Variants in FOXJ3 observed in about 807,000 individuals in gnomAD.
FOXJ3 encodes the protein forkhead box protein J3.
A neutral mutation model predicts 76.1 loss-of-function variants in FOXJ3; 22 were observed. The observed-to-expected ratio is 0.29, with a 90% CI of 0.21 to 0.41. The LOEUF (loss-of-function observed/expected upper bound fraction) is 0.41, where lower values mean the gene tolerates loss of function less well. FOXJ3 is among the 10% of genes least tolerant of loss of function. The probability of loss-of-function intolerance (pLI) is 1.00; values close to 1 mark genes in which losing one functional copy is unlikely to be tolerated. For synonymous variants in FOXJ3, 269 were observed against 261.2 expected, an observed-to-expected ratio of 1.03 and a Z score of -0.29; for missense variants, 613 against 762.1, an observed-to-expected ratio of 0.80 and a Z score of 2.30.
chr1:42,299,117 T>C (rs1273321285), intron 2 of FOXJ3, among the ~76,000 whole-genome samples: 1 of 152,240 alleles, frequency 6.6e-6, no homozygotes, highest in Admixed American at 6.5e-5. Flanking sequence ...ATGTATGTTC[T>C]ATAAATGTCT....
At chr1:42,326,125 C>A (rs929804666) in intron 1 of FOXJ3, among the ~76,000 whole-genome samples, 1 of 152,092 alleles carries the variant, frequency 6.6e-6, no homozygotes, top group African/African-American at 2.4e-5. Flanking sequence ...ATGGCAGGCA[C>A]CTGTAATCCC....
chr1:42,331,691 C>T (rs1050603865), intron 1 of FOXJ3, among the ~76,000 whole-genome samples: 1 of 151,672 alleles, frequency 6.6e-6, no homozygotes, highest in African/African-American at 2.4e-5. Flanking sequence ...GGGTACAAGG[C>T]TTTTTTTTGA....
intron 2 of FOXJ3, among the ~76,000 whole-genome samples, chr1:42,298,782 C>T (rs894817511): frequency 6.6e-6 from 1 of 152,156 alleles, no homozygotes; most frequent in African/African-American, 2.4e-5. Context: ...GCATTTAACG[C>T]TATAAACTTT....
At chr1:42,266,834 A>G (rs1651501262) in intron 3 of FOXJ3, among the ~76,000 whole-genome samples, 1 of 152,180 alleles carries the variant, frequency 6.6e-6, no homozygotes, top group Non-Finnish European at 1.5e-5. Flanking sequence ...CCTGTCACCC[A>G]TAGGACTCTG....
intron 5 of FOXJ3, among the ~76,000 whole-genome samples, chr1:42,226,244 G>C (rs1486022210): frequency 1.3e-5 from 2 of 151,480 alleles, no homozygotes; most frequent in Non-Finnish European, 2.9e-5. Context: ...AAAGGCAAAG[G>C]CAAGAGAGCA....
At chr1:42,312,502 C>A (rs1445770180) in intron 1 of FOXJ3, among the ~76,000 whole-genome samples, 2 of 152,236 alleles carry the variant, frequency 1.3e-5, no homozygotes, top group Non-Finnish European at 2.9e-5. Context: ...CAGATAGACA[C>A]TTCTATTTCT....
rs991605423 is a variant in FOXJ3, at chr1:42,264,468, G to A, written c.444+647C>T. On this transcript the variant is annotated intron_variant, in intron 4 of 12. Transcript: ENST00000361346. ...AAGTCTAGCCACCTAAACAAGCATC[G>A]TGCTTCCCAATAAATACACTGTCTC... is the stretch of plus-strand genomic sequence containing the variant. Among the ~76,000 whole-genome samples the A allele has an allele frequency of 3.3e-5, 5 of 152,068 alleles. No homozygotes were observed. In the East Asian group the frequency reaches 7.7e-4, roughly 24 times the overall value.
At chr1:42,197,589 A>G (rs1472099576) in intron 7 of FOXJ3, among the ~76,000 whole-genome samples, 1 of 151,922 alleles carries the variant, frequency 6.6e-6, no homozygotes, top group Non-Finnish European at 1.5e-5. Context: ...CATATAACCT[A>G]TCCTCCCATA....
chr1:42,237,885 G>A (rs1648817173), intron 4 of FOXJ3, among the ~76,000 whole-genome samples: 1 of 149,094 alleles, frequency 6.7e-6, no homozygotes, highest in African/African-American at 2.5e-5. Flanking sequence ...TTTCCCTACT[G>A]AATTACATTG....
At chr1:42,214,628 G>C (rs140525371) in intron 5 of FOXJ3, among the ~76,000 whole-genome samples, 329 of 152,308 alleles carry the variant, frequency 2.2e-3, no homozygotes, top group African/African-American at 7.5e-3. Flanking sequence ...CAATAGGCAG[G>C]TTGGGAAGGT....
intron 7 of FOXJ3, 47 bp from the exon 8 acceptor site, chr1:42,195,111 C>A (rs151023082): frequency 5.1e-5 from 71 of 1,384,902 alleles, no homozygotes; most frequent in Non-Finnish European, 6.9e-5. Context: ...CTACTAATTA[C>A]AATTGGCTTG....
Position 42,231,850 on chromosome 1 carries a change from G to A in FOXJ3, c.445-3884C>T, listed in dbSNP as rs142257700. Among the ~76,000 whole-genome samples the A allele has an allele frequency of 6.6e-4, 100 of 152,170 alleles. 1 individual carries two copies. In the East Asian group the frequency reaches 0.018, roughly 28 times the overall value. On this transcript the variant is annotated intron_variant, in intron 4 of 12. Coordinates refer to ENST00000361346, the MANE Select transcript of FOXJ3 (RefSeq NM_014947.5). ...AAGTTTTAGGGGACATGTGCACAACGTGCATGTTACATATGTATACATGTG... is the reference window on the plus strand; with the variant it reads ...AAGTTTTAGGGGACATGTGCACAACATGCATGTTACATATGTATACATGTG...
Position 42,178,801 on chromosome 1 carries a change from A to T in FOXJ3, c.*909T>A, listed in dbSNP as rs1646262434. ...CTCCATCTCAAAAAAAGAAAAAAATAATAATAGTTCTGTGCTTTCAGACAC... is the reference window on the plus strand; with the variant it reads ...CTCCATCTCAAAAAAAGAAAAAAATTATAATAGTTCTGTGCTTTCAGACAC... On this transcript the variant is annotated 3_prime_UTR_variant, in exon 13 of 13. Coordinates refer to ENST00000361346, the MANE Select transcript of FOXJ3 (RefSeq NM_014947.5). 1 of 151,854 alleles carries T rather than the reference A, an allele frequency of 6.6e-6. No homozygotes were observed. The highest frequency in any genetic ancestry group is 2.4e-5 in the African/African-American group (1 of 41,202). 9.4% of individuals were successfully genotyped at this position (151,854 alleles called of 1,614,324 possible). A position where few individuals can be genotyped will look rare whatever the true frequency, so the allele number is the denominator to read the frequency against.
At chr1:42,246,246 T>C (rs343393) in intron 4 of FOXJ3, among the ~76,000 whole-genome samples, 106,469 of 152,034 alleles carry the variant, frequency 0.7, 38,018 homozygotes, top group Admixed American at 0.8. Context: ...CAGAAAATAT[T>C]TGCAAACCAT....
At chr1:42,271,336 C>T (rs2124648400) in intron 3 of FOXJ3, among the ~76,000 whole-genome samples, 1 of 151,724 alleles carries the variant, frequency 6.6e-6, no homozygotes, top group Non-Finnish European at 1.5e-5. Context: ...AAAACATGTA[C>T]ATGGGTTCAA....
intron 4 of FOXJ3, among the ~76,000 whole-genome samples, chr1:42,254,406 G>A (rs1419983776): frequency 1.4e-5 from 2 of 147,104 alleles, no homozygotes; most frequent in African/African-American, 2.5e-5. Flanking sequence ...AGTCAGTGTG[G>A]CGATTCCTCA....
At chr1:42,302,219 C>G (rs1286866168) in intron 2 of FOXJ3, among the ~76,000 whole-genome samples, 1 of 152,178 alleles carries the variant, frequency 6.6e-6, no homozygotes, top group African/African-American at 2.4e-5. Flanking sequence ...GTGCTGCACA[C>G]TTGTGTCAGC....
In FOXJ3 at chr1:42,209,463, G is replaced by A. The variant is rs149380774; in HGVS notation, c.529-3600C>T. Among the ~76,000 whole-genome samples the A allele has an allele frequency of 2.6e-3, 392 of 152,226 alleles. 1 individual carries two copies. Among genetic ancestry groups the A allele is most frequent in the Non-Finnish European group, 3.6e-3 (244 of 67,998 alleles). The stretch of plus-strand genomic sequence containing the variant: ...ATGCAGACCTTTTGAAATAAGTGGC[G>A]GGCAGCAGCCTACACCATGAAACAG... On this transcript the variant is annotated intron_variant, in intron 5 of 12. Coordinates refer to ENST00000361346, the MANE Select transcript of FOXJ3 (RefSeq NM_014947.5).
chr1:42,304,035 C>T (rs1452916525), intron 2 of FOXJ3, among the ~76,000 whole-genome samples: 1 of 151,962 alleles, frequency 6.6e-6, no homozygotes, highest in African/African-American at 2.4e-5. Flanking sequence ...CTAAAGACTC[C>T]ACTAAAAAAC....
Sources: gnomAD v4.1 joint callset for allele counts (sites outside exome capture counted in the v4.1 genomes callset) on GRCh38, gnomAD v4.1.1 for gene constraint, MANE v1.5 for transcripts, NCBI Gene and HGNC (gene_info 2026-07-23, HGNC 2026-07-21) for gene names.